Variants in PRORP observed in about 807,000 individuals in gnomAD.
PRORP encodes protein only RNase P catalytic subunit.
PRORP carries 51 observed loss-of-function variants against 59.4 expected under a neutral mutation model. The ratio of observed to expected loss-of-function variants is 0.86; its 90% confidence interval spans 0.69 to 1.08. The LOEUF (loss-of-function observed/expected upper bound fraction) is 1.08, where lower values mean the gene tolerates loss of function less well. Ranked by LOEUF, PRORP falls within the 50% of genes least tolerant of loss-of-function variation. PRORP has a pLI of 0.00. For synonymous variants in PRORP, 231 were observed against 245.6 expected (o/e 0.94, Z 0.55); for missense variants, 646 against 690.3 (o/e 0.94, Z 0.72).
chr14:35,135,787 G>A lies in PRORP; in HGVS notation c.1167+8176G>A, dbSNP rs191889436. On this transcript the variant is annotated intron_variant, in intron 4 of 7. Transcript: ENST00000534898. ...AGCCTGGGCAATATGGGAAAACCCC[G>A]TCTCTACTAAAAATACAAAAATTAG... Among the ~76,000 whole-genome samples, 12 of 151,964 alleles carry A rather than the reference G, an allele frequency of 7.9e-5. No homozygotes were observed. The East Asian group carries it at 1.6e-3, about 20-fold the overall frequency.
intron 4 of PRORP, among the ~76,000 whole-genome samples, chr14:35,174,095 T>C (rs2048384966): frequency 6.6e-6 from 1 of 152,052 alleles, no homozygotes. Flanking sequence ...ATGTCACTTC[T>C]GCCACATCCC....
intron 4 of PRORP, among the ~76,000 whole-genome samples, chr14:35,142,343 CTTTTTTT>C (rs576082267): frequency 2.6e-5 from 3 of 116,738 alleles, no homozygotes; most frequent in African/African-American, 5.9e-5. Context: ...AAATTCATTG[CTTTTTTT>C]TTTTTTTTTT....
intron 4 of PRORP, among the ~76,000 whole-genome samples, chr14:35,163,785 T>G (rs945129396): frequency 6.6e-6 from 1 of 152,176 alleles, no homozygotes. Flanking sequence ...TAGGTCCCAC[T>G]TGTCAATTTT....
chr14:35,230,248 C>T (rs988951782), intron 5 of PRORP, among the ~76,000 whole-genome samples: 5 of 151,958 alleles, frequency 3.3e-5, no homozygotes, highest in South Asian at 2.1e-4. Flanking sequence ...AAACGGGTTT[C>T]GCCATGTTGC....
chr14:35,202,984 A>G (rs2049195731), intron 5 of PRORP, among the ~76,000 whole-genome samples: 1 of 152,180 alleles, frequency 6.6e-6, no homozygotes, highest in African/African-American at 2.4e-5. Flanking sequence ...CCTCCAAAGG[A>G]GAAGTTTAAA....
rs368812260 is a variant in PRORP at position 35,123,708 on chromosome 14, A to G, written c.463A>G (p.Ile155Val). ...ISQMAGCHSS[I>V]DVAKSLLAWV... ...ACAGATGGCTGGCTGTCATAGCTCT[A>G]TAGATGTGGCTAAATCTCTGCTGGC... The change falls in exon 2 of 8, where the codon ATA becomes GTA. Residue 155 changes from isoleucine (I) to valine (V), a missense_variant. Coordinates refer to ENST00000534898, the MANE Select transcript of PRORP (RefSeq NM_014672.4). 4 of 1,614,242 alleles carry G rather than the reference A, an allele frequency of 2.5e-6. No individual in the cohort carries two copies. The highest frequency in any genetic ancestry group is 1.1e-5 in the South Asian group (1 of 91,088).
At position 35,123,658 on chromosome 14, in the gene PRORP, C is replaced by T; in HGVS notation, c.413C>T (p.Thr138Ile). ...KEDLKENTGKTSFESWIISQM... is the reference protein window; with the variant it reads ...KEDLKENTGKISFESWIISQM... ...GATTTAAAAGAAAACACCGGAAAGA[C>T]CAGTTTCGAAAGTTGGATCATTTCA... The change falls in exon 2 of 8, where the codon ACC (threonine) becomes ATC (isoleucine). Residue 138 changes from threonine to isoleucine, a missense_variant. Physicochemically the swap from Thr to Ile is moderately conservative, Grantham distance 89. Coordinates refer to ENST00000534898, the MANE Select transcript of PRORP (RefSeq NM_014672.4). 3 of 1,614,172 alleles carry T rather than the reference C, an allele frequency of 1.9e-6. No individual in the cohort carries two copies. Among genetic ancestry groups the T allele is most frequent in the East Asian group, 2.2e-5 (1 of 44,888 alleles).
intron 5 of PRORP, among the ~76,000 whole-genome samples, chr14:35,214,009 A>G (rs1343748625): frequency 6.6e-6 from 1 of 152,242 alleles, no homozygotes; most frequent in Non-Finnish European, 1.5e-5. Context: ...GTATACCTGT[A>G]TCATATTCCC....
chr14:35,125,563 C>T (rs766307141), intron 2 of PRORP, among the ~76,000 whole-genome samples: 2 of 152,150 alleles, frequency 1.3e-5, no homozygotes, highest in Non-Finnish European at 2.9e-5. Context: ...TTTGTTCCTT[C>T]CCTCTGTTTT....
intron 5 of PRORP, among the ~76,000 whole-genome samples, chr14:35,231,716 T>G (rs1170993086): frequency 6.6e-6 from 1 of 152,156 alleles, no homozygotes; most frequent in African/African-American, 2.4e-5. Flanking sequence ...ACTGGGAATG[T>G]GAAAGGAAAG....
At chr14:35,164,375 G>A (rs900139870) in intron 4 of PRORP, among the ~76,000 whole-genome samples, 9 of 152,184 alleles carry the variant, frequency 5.9e-5, no homozygotes, top group African/African-American at 2.2e-4. Context: ...TAGCAAAGAC[G>A]TGGAATCAAC....
chr14:35,233,206 C>T (rs1289910119), intron 5 of PRORP, among the ~76,000 whole-genome samples: 1 of 147,550 alleles, frequency 6.8e-6, no homozygotes, highest in Non-Finnish European at 1.5e-5. Flanking sequence ...GTAGAGAAAA[C>T]TCCCTTCACT....
intron 5 of PRORP, among the ~76,000 whole-genome samples, chr14:35,236,695 G>T (rs1242697698): frequency 6.6e-6 from 1 of 151,870 alleles, no homozygotes; most frequent in East Asian, 1.9e-4. Flanking sequence ...GTTCTCTCTT[G>T]TTTTTGAACT....
At chr14:35,255,291 C>A (rs1040662010) in intron 5 of PRORP, among the ~76,000 whole-genome samples, 1 of 152,032 alleles carries the variant, frequency 6.6e-6, no homozygotes, top group South Asian at 2.1e-4. Flanking sequence ...CCACGCCTGG[C>A]TAATTTTTTT....
intron 4 of PRORP, among the ~76,000 whole-genome samples, chr14:35,130,911 A>C (rs766074032): frequency 6.6e-6 from 1 of 151,742 alleles, no homozygotes; most frequent in Non-Finnish European, 1.5e-5. Context: ...AAGTGCTGGA[A>C]TTATAGGCGT....
At chr14:35,233,775 G>A (rs1282063321) in intron 5 of PRORP, among the ~76,000 whole-genome samples, 1 of 151,830 alleles carries the variant, frequency 6.6e-6, no homozygotes, top group Non-Finnish European at 1.5e-5. Context: ...ATCACAGCAT[G>A]TGTTTTTCCT....
intron 5 of PRORP, among the ~76,000 whole-genome samples, chr14:35,190,662 C>T (rs1243478755): frequency 2.0e-5 from 3 of 151,970 alleles, no homozygotes; most frequent in Admixed American, 6.6e-5. Flanking sequence ...CGTGCCACCA[C>T]GTCTGGCTAA....
chr14:35,129,665 C>T (rs1050199363), intron 4 of PRORP, among the ~76,000 whole-genome samples: 1 of 151,306 alleles, frequency 6.6e-6, no homozygotes, highest in Non-Finnish European at 1.5e-5. Context: ...ATTTTTAGTA[C>T]AGACAGGGTT....
chr14:35,235,546 G>T (rs767333180), intron 5 of PRORP: 4 of 575,196 alleles, frequency 7.0e-6, no homozygotes, highest in Non-Finnish European at 9.9e-6. Context: ...CCAAGGTGGT[G>T]ATGGTGTTAA....
Sources: gnomAD v4.1 joint callset for allele counts (sites outside exome capture counted in the v4.1 genomes callset) on GRCh38, gnomAD v4.1.1 for gene constraint, MANE v1.5 for transcripts, NCBI Gene and HGNC (gene_info 2026-07-23, HGNC 2026-07-21) for gene names.